The following CTNNA3 variants were observed in gnomAD, a reference collection of about 807,000 sequenced individuals.
CTNNA3 encodes catenin alpha 3.
CTNNA3 carries 76 observed loss-of-function variants against 95.7 expected under a neutral mutation model. The ratio of observed to expected loss-of-function variants is 0.79; its 90% CI spans 0.66 to 0.96. CTNNA3 has a LOEUF of 0.96. Among genes scored for constraint, CTNNA3 ranks in the 40% least tolerant of loss-of-function variants. The pLI is 0.00. For synonymous variants in CTNNA3, 431 were observed against 374.4 expected, an observed-to-expected ratio of 1.15 and a Z score of -1.74; for missense variants, 1,191 against 1,089.8, an observed-to-expected ratio of 1.09 and a Z score of -1.31.
At chr10:66,590,776 A>G (rs964271079) in intron 10 of CTNNA3, among the ~76,000 whole-genome samples, 5 of 152,106 alleles carry the variant, frequency 3.3e-5, no homozygotes, top group Non-Finnish European at 7.4e-5. Flanking sequence ...AAACAGTATT[A>G]GAAAAATTAT....
Position 67,237,289 on chromosome 10 carries a change from C to T in CTNNA3, c.580-17419G>A, listed in dbSNP as rs148493232. 0.013 allele frequency among the ~76,000 whole-genome samples: 1,948 copies of T among 150,602 alleles called. 124 individuals carry two copies. In the East Asian group the frequency reaches 0.19, roughly 15 times the overall value. On this transcript the variant is annotated intron_variant, in intron 5 of 17. Transcript: ENST00000433211. ...AGTGAAGTAACTCAGGAATGGAAAA[C>T]CAAACATCATGTGTTCTCACTGATA... is the stretch of plus-strand genomic sequence containing the variant.
At chr10:67,592,120 C>T (rs1383961536) in intron 3 of CTNNA3, among the ~76,000 whole-genome samples, 2 of 152,092 alleles carry the variant, frequency 1.3e-5, no homozygotes, top group African/African-American at 4.8e-5. Context: ...TCCAAGACCA[C>T]TCAAGGACCT....
intron 11 of CTNNA3, among the ~76,000 whole-genome samples, chr10:66,505,435 A>G (rs1840417118): frequency 6.6e-6 from 1 of 152,210 alleles, no homozygotes. Flanking sequence ...CCTGAACAAT[A>G]TACTGTAACA....
At chr10:67,690,287 T>TA (rs1840817490) in intron 1 of CTNNA3, among the ~76,000 whole-genome samples, 2 of 152,234 alleles carry the variant, frequency 1.3e-5, no homozygotes, top group South Asian at 4.1e-4. Context: ...CGGTGAGTGT[T>TA]ACAGCTCATA....
At chr10:66,166,911 G>T (rs747233733) in intron 13 of CTNNA3, among the ~76,000 whole-genome samples, 1 of 152,158 alleles carries the variant, frequency 6.6e-6, no homozygotes, top group Non-Finnish European at 1.5e-5. Flanking sequence ...GACATTTCAG[G>T]AAGCTTGAGT....
At chr10:67,477,658 A>T (rs1340353839) in intron 5 of CTNNA3, among the ~76,000 whole-genome samples, 1 of 152,228 alleles carries the variant, frequency 6.6e-6, no homozygotes, top group East Asian at 1.9e-4. Context: ...AGAGAAAACA[A>T]TATTACAAGG....
intron 13 of CTNNA3, among the ~76,000 whole-genome samples, chr10:66,240,857 G>T (rs1564801494): frequency 6.6e-6 from 1 of 151,824 alleles, no homozygotes; most frequent in Non-Finnish European, 1.5e-5. Flanking sequence ...TTTAAGTAAT[G>T]GAAAAACATT....
At chr10:66,951,449 TG>T (rs1848536184) in intron 7 of CTNNA3, among the ~76,000 whole-genome samples, 1 of 152,168 alleles carries the variant, frequency 6.6e-6, no homozygotes, top group South Asian at 2.1e-4. Context: ...TTACTATGTT[TG>T]AGGCATTGCA....
At chr10:66,987,238 GC>G (rs1425255193) in intron 7 of CTNNA3, among the ~76,000 whole-genome samples, 2 of 152,100 alleles carry the variant, frequency 1.3e-5, no homozygotes, top group Admixed American at 6.6e-5. Context: ...GAAACGGGTG[GC>G]CACAAAGTGG....
intron 13 of CTNNA3, among the ~76,000 whole-genome samples, chr10:66,194,475 G>A (rs1273916703): frequency 6.6e-6 from 1 of 152,162 alleles, no homozygotes; most frequent in Non-Finnish European, 1.5e-5. Flanking sequence ...AGCTACTTGG[G>A]AGGCTGAGGC....
At chr10:66,039,636 T>G (rs1303540409) in intron 15 of CTNNA3, among the ~76,000 whole-genome samples, 1 of 152,162 alleles carries the variant, frequency 6.6e-6, no homozygotes, top group Admixed American at 6.5e-5. Flanking sequence ...CAGAAAGGAC[T>G]CCTTATTCAA....
rs77424816 is a variant in CTNNA3 at position 66,423,161 on chromosome 10, T to C, written c.1532-43809A>G. 5.0e-3 allele frequency among the ~76,000 whole-genome samples: 757 copies of C among 152,238 alleles called. 2 individuals carry two copies. Among genetic ancestry groups the C allele is most frequent in the Non-Finnish European group, 7.7e-3 (526 of 68,018 alleles). On this transcript the variant is annotated intron_variant, in intron 11 of 17. Coordinates refer to ENST00000433211, the MANE Select transcript of CTNNA3 (RefSeq NM_013266.4). ...GAATGATAATTCTACTTGGTCATGA[T>C]GTTTAAAAGTTTTAAAAACTTTAAA...
chr10:66,357,361 G>T lies in CTNNA3; in HGVS notation c.1732+21791C>A, dbSNP rs544950991. On this transcript the variant is annotated intron_variant, in intron 12 of 17. Transcript: ENST00000433211. ...TTAAGATATAATTTACATACCATGC[G>T]AGTCACCCTTTAAAGTGTACAATTC... is the stretch of plus-strand genomic sequence containing the variant. 9.9e-5 allele frequency among the ~76,000 whole-genome samples: 15 copies of T among 151,916 alleles called. No individual in the cohort carries two copies. In the South Asian group the frequency reaches 3.1e-3, roughly 32 times the overall value.
intron 10 of CTNNA3, among the ~76,000 whole-genome samples, chr10:66,597,542 ATATATATATATATT>A (rs1478745889): frequency 1.6e-5 from 2 of 128,196 alleles, no homozygotes; most frequent in African/African-American, 2.8e-5. Context: ...ATATATATAT[ATATATATATATATT>A]TATTAAAAAT....
intron 3 of CTNNA3, among the ~76,000 whole-genome samples, chr10:67,599,681 G>A (rs1312796239): frequency 6.6e-6 from 1 of 152,106 alleles, no homozygotes; most frequent in Non-Finnish European, 1.5e-5. Flanking sequence ...AATATCAGAA[G>A]ATATGAAATA....
chr10:67,554,916 G>T (rs189341861), intron 3 of CTNNA3, among the ~76,000 whole-genome samples: 2,406 of 152,054 alleles, frequency 0.016, 24 homozygotes, highest in South Asian at 0.035. Flanking sequence ...TAATCCATCT[G>T]GAATTAATTT....
chr10:66,092,190 G>A (rs1285603771), intron 14 of CTNNA3, among the ~76,000 whole-genome samples: 1 of 151,690 alleles, frequency 6.6e-6, no homozygotes, highest in Non-Finnish European at 1.5e-5. Flanking sequence ...AATCAACAAC[G>A]TTCAACCTCC....
chr10:67,579,468 G>A lies in CTNNA3; in HGVS notation c.292+27389C>T, dbSNP rs199902167. Among the ~76,000 whole-genome samples the A allele has an allele frequency of 8.5e-5, 13 of 152,174 alleles. No homozygotes were observed. The East Asian group carries it at 2.5e-3, about 29-fold the overall frequency. On this transcript the variant is annotated intron_variant, in intron 3 of 17. Coordinates refer to ENST00000433211, the MANE Select transcript of CTNNA3 (RefSeq NM_013266.4). ...CAGTCTATCATTGTTGGACATTTGG[G>A]TTGGTTTCAAGTCTTTGCTATTGTG...
intron 5 of CTNNA3, among the ~76,000 whole-genome samples, chr10:67,473,795 A>G (rs1157302953): frequency 6.6e-6 from 1 of 152,238 alleles, no homozygotes; most frequent in Non-Finnish European, 1.5e-5. Flanking sequence ...TAGGTATAAT[A>G]AGTAATCTAG....
Sources: gnomAD v4.1 joint callset for allele counts (sites outside exome capture counted in the v4.1 genomes callset) on GRCh38, gnomAD v4.1.1 for gene constraint, MANE v1.5 for transcripts, NCBI Gene and HGNC (gene_info 2026-07-23, HGNC 2026-07-21) for gene names.